The following TNRC18 variants were observed in gnomAD, a reference collection of about 807,000 sequenced individuals.
The protein encoded by TNRC18 is trinucleotide repeat-containing gene 18 protein.
TNRC18 carries 69 observed loss-of-function variants against 226.7 expected under a neutral mutation model. That is an observed-to-expected ratio of 0.30 (90% CI 0.25 to 0.37). The LOEUF (loss-of-function observed/expected upper bound fraction) is 0.37. Among genes scored for constraint, TNRC18 ranks in the 10% least tolerant of loss-of-function variants. The pLI, the probability that TNRC18 is intolerant of heterozygous loss-of-function variation, is 1.00. For missense variants in TNRC18, 4,754 were observed against 4,256.6 expected (o/e 1.12, Z -3.25); for synonymous variants, 2,449 against 1,927.6 (o/e 1.27, Z -7.09).
chr7:5,378,954 T>TGG, intron 5 of TNRC18, among the ~76,000 whole-genome samples: 1 of 31,162 alleles, frequency 3.2e-5, no homozygotes, highest in East Asian at 6.9e-4. Flanking sequence ...GGAGGCCGGG[T>TGG]GGGGGGGGCG....
intron 18 of TNRC18, 45 bp downstream of exon 18, chr7:5,345,517 G>GCCCACCCCCCCCCCCC: frequency 5.3e-6 from 2 of 377,744 alleles, no homozygotes. Flanking sequence ...AATGGCGTCC[G>GCCCACCCCCCCCCCCC]CCCCTCCCAC....
At position 5,388,764 on chromosome 7, in the gene TNRC18, CG is replaced by C. The variant is rs1212499719; in HGVS notation, c.1059del (p.Ala354ProfsTer236). On this transcript the variant is annotated frameshift_variant, in exon 5 of 30. Coordinates refer to ENST00000430969, the MANE Select transcript of TNRC18 (RefSeq NM_001080495.3). LOFTEE classifies it high-confidence loss of function. ...KGPPAPPAAT[P>X]AGVYTVFREQ... ...TCGCGGAAGACGGTGTAGACGCCGG[CG>C]GGGGTGGCCGCGGGGGGTGCAGGAG... 3.3e-6 allele frequency: 4 copies of C among 1,195,196 alleles called. No individual in the cohort carries two copies. The highest frequency in any genetic ancestry group is 3.2e-4 in the Middle Eastern group (1 of 3,096). 74.0% of individuals were successfully genotyped at this position (1,195,196 alleles called of 1,614,324 possible).
chr7:5,346,644 T>C (rs1791228377), intron 17 of TNRC18, among the ~76,000 whole-genome samples: 1 of 151,912 alleles, frequency 6.6e-6, no homozygotes, highest in Non-Finnish European at 1.5e-5. Flanking sequence ...CCGTGACTAA[T>C]TTTTTAGAAA....
chr7:5,323,453 C>T (rs1452167616), intron 21 of TNRC18, among the ~76,000 whole-genome samples: 1 of 151,714 alleles, frequency 6.6e-6, no homozygotes, highest in Non-Finnish European at 1.5e-5. Flanking sequence ...TCCTTCCCTG[C>T]TGCCCCCATG....
chr7:5,361,739 C>T lies in TNRC18; in HGVS notation c.4533-17G>A, dbSNP rs936487256. 1.5e-5 allele frequency: 23 copies of T among 1,559,826 alleles called. No individual in the cohort carries two copies. In the Middle Eastern group the frequency reaches 5.3e-4, roughly 36 times the overall value. ...CGCCTGTCCCTTAAAAAGAATCACA[C>T]GCTTGGCTGTGACGCTGGGGGGCGG... On this transcript the variant is annotated splice_polypyrimidine_tract_variant and intron_variant, in intron 13 of 29. Transcript: ENST00000430969.
At chr7:5,332,514 T>G in intron 19 of TNRC18, 108 bp downstream of exon 19, 7 of 1,261,684 alleles carry the variant, frequency 5.5e-6, no homozygotes, top group Non-Finnish European at 7.4e-6. Flanking sequence ...GCCGAGTACA[T>G]GGTTATTAAC....
chr7:5,353,562 G>GAAAAAAA (rs35875231), intron 16 of TNRC18, among the ~76,000 whole-genome samples: 1 of 86,552 alleles, frequency 1.2e-5, no homozygotes, highest in Non-Finnish European at 2.3e-5. Flanking sequence ...ATCATCTAAA[G>GAAAAAAA]AAAAAAAAAA....
intron 18 of TNRC18, among the ~76,000 whole-genome samples, chr7:5,339,288 G>C (rs1790438001): frequency 6.7e-6 from 1 of 148,454 alleles, no homozygotes; most frequent in Non-Finnish European, 1.5e-5. Context: ...TGCCCAGGCT[G>C]AAGTACGGTG....
At chr7:5,340,378 GA>G (rs1270485233) in intron 18 of TNRC18, among the ~76,000 whole-genome samples, 1 of 152,228 alleles carries the variant, frequency 6.6e-6, no homozygotes, top group African/African-American at 2.4e-5. Flanking sequence ...TGAAGGTTGA[GA>G]GAAGTGAGGA....
At chr7:5,373,848 C>T (rs1035513364) in intron 10 of TNRC18, among the ~76,000 whole-genome samples, 3 of 152,088 alleles carry the variant, frequency 2.0e-5, no homozygotes, top group African/African-American at 7.2e-5. Flanking sequence ...TTCCCTGACA[C>T]TGCCGCTGAG....
At chr7:5,343,129 A>C (rs1019009860) in intron 18 of TNRC18, among the ~76,000 whole-genome samples, 8 of 152,198 alleles carry the variant, frequency 5.3e-5, no homozygotes, top group Non-Finnish European at 1.0e-4. Context: ...CGAGGCGGAC[A>C]GATCACCTGA....
chr7:5,421,396 G>T lies in TNRC18; in HGVS notation c.-150C>A. 1 of 693,186 alleles carries T rather than the reference G, an allele frequency of 1.4e-6. No homozygotes were observed. Among genetic ancestry groups the T allele is most frequent in the South Asian group, 6.5e-5 (1 of 15,346 alleles). The allele number at this position is 693,186 out of a possible 1,614,324, so 42.9% of individuals were successfully genotyped here. A position where few individuals can be genotyped will look rare whatever the true frequency, so the allele number is the denominator to read the frequency against. On this transcript the variant is annotated 5_prime_UTR_variant, in exon 2 of 30. Coordinates refer to ENST00000430969, the MANE Select transcript of TNRC18 (RefSeq NM_001080495.3). ...GCGGCGGCCAGCGGGGCTTGCGCTC[G>T]GCGGCGGGCCCGCGGCCCGGGGCGC...
intron 14 of TNRC18, among the ~76,000 whole-genome samples, chr7:5,360,704 G>C (rs554538704): frequency 6.6e-6 from 1 of 151,900 alleles, no homozygotes; most frequent in African/African-American, 2.4e-5. Flanking sequence ...CCTCTTCTCC[G>C]GGAAGCTCTC....
chr7:5,310,424 CG>C (rs571362777), intron 27 of TNRC18, among the ~76,000 whole-genome samples: 1 of 151,986 alleles, frequency 6.6e-6, no homozygotes, highest in African/African-American at 2.4e-5. Flanking sequence ...TTAGTAGAGA[CG>C]GGGTTTCACC....
intron 2 of TNRC18, among the ~76,000 whole-genome samples, chr7:5,407,769 A>C (rs535320219): frequency 5.3e-5 from 8 of 152,350 alleles, no homozygotes; most frequent in Middle Eastern, 3.4e-3. Flanking sequence ...GTCAATTCTC[A>C]TGCAATCACA....
chr7:5,392,916 G>A (rs1422669265), intron 3 of TNRC18, among the ~76,000 whole-genome samples: 2 of 152,148 alleles, frequency 1.3e-5, no homozygotes, highest in Non-Finnish European at 2.9e-5. Flanking sequence ...GGAGGCTGAG[G>A]TGGGAGAATG....
chr7:5,334,299 T>G (rs868631296), intron 18 of TNRC18, among the ~76,000 whole-genome samples: 728 of 36,396 alleles, frequency 0.02, 6 homozygotes, highest in African/African-American at 0.04. Flanking sequence ...TTAATTAACT[T>G]TTTTTTTTTT....
At chr7:5,347,158 C>A (rs1791279564) in intron 17 of TNRC18, among the ~76,000 whole-genome samples, 1 of 149,948 alleles carries the variant, frequency 6.7e-6, no homozygotes, top group Admixed American at 6.6e-5. Flanking sequence ...GCCTGGGCGA[C>A]AGAGCAAACC....
chr7:5,308,747 C>T (rs1368775841), intron 29 of TNRC18, 128 bp downstream of exon 29: 11 of 990,294 alleles, frequency 1.1e-5, no homozygotes, highest in South Asian at 1.6e-5. Context: ...GTGGCAGGGA[C>T]AGGAGGTCAG....
Sources: allele counts gnomAD v4.1 joint callset (sites outside exome capture counted in the v4.1 genomes callset), GRCh38; gene constraint gnomAD v4.1.1; transcripts MANE v1.5; gene names NCBI Gene and HGNC (gene_info 2026-07-23, HGNC 2026-07-21).